The following MPHOSPH10 variants were observed in gnomAD, a reference collection of about 807,000 sequenced individuals.
The protein encoded by MPHOSPH10 is M-phase phosphoprotein 10, also known as U3 small nucleolar ribonucleoprotein MPP10.
A neutral mutation model predicts 77.3 loss-of-function variants in MPHOSPH10; 33 were observed. The ratio of observed to expected loss-of-function variants is 0.43; its 90% CI spans 0.32 to 0.57. The LOEUF (loss-of-function observed/expected upper bound fraction) is 0.57, where lower values mean the gene tolerates loss of function less well. Ranked by LOEUF, MPHOSPH10 falls within the 20% of genes least tolerant of loss-of-function variation. The pLI is 0.07. For missense variants in MPHOSPH10, 708 were observed against 780.1 expected, an observed-to-expected ratio of 0.91 and a Z score of 1.10; for synonymous variants, 245 against 268.0, an observed-to-expected ratio of 0.91 and a Z score of 0.84.
intron 1 of MPHOSPH10, among the ~76,000 whole-genome samples, chr2:71,131,515 T>C (rs6713876): frequency 0.34 from 51,371 of 152,098 alleles, 8,933 homozygotes; most frequent in Admixed American, 0.41. Context: ...CAAGCGCGTC[T>C]GTGTGAAGAG....
At chr2:71,131,262 C>G (rs1338642083) in intron 1 of MPHOSPH10, among the ~76,000 whole-genome samples, 1 of 152,124 alleles carries the variant, frequency 6.6e-6, no homozygotes, top group East Asian at 1.9e-4. Flanking sequence ...GTTTCAAACC[C>G]CAACCTTTCC....
At chr2:71,139,007 G>GT in intron 5 of MPHOSPH10, 1 of 485,674 alleles carries the variant, frequency 2.1e-6, no homozygotes, top group Non-Finnish European at 3.7e-6. Context: ...GTGCTCCAGC[G>GT]TGGGCAGCCT....
Position 71,133,339 on chromosome 2 carries a change from C to A in MPHOSPH10, c.531C>A (p.Ile177=), listed in dbSNP as rs372377553. 47 of 1,613,948 alleles carry A rather than the reference C, an allele frequency of 2.9e-5. No individual in the cohort carries two copies. Among genetic ancestry groups the A allele is most frequent in the Non-Finnish European group, 3.8e-5 (45 of 1,180,014 alleles). Residue 177 remains isoleucine (I), a synonymous_variant, in exon 2 of 11, where the codon ATC becomes ATA. Transcript: ENST00000244230. ...SDEDSDLDFD[I]SKLEQQSKVQ... ...AGGATTCTGACCTTGACTTTGATAT[C>A]AGCAAATTGGAACAGCAGAGCAAGG...
intron 9 of MPHOSPH10, 35 bp downstream of exon 9, chr2:71,148,141 T>TA: frequency 1.3e-6 from 2 of 1,546,998 alleles, no homozygotes; most frequent in Non-Finnish European, 1.8e-6. Flanking sequence ...AAATGTCTGT[T>TA]ACAAGTTAGT....
rs1673425137 is a variant in MPHOSPH10, at chr2:71,133,417, A to G, written c.609A>G (p.Lys203=). ...GAGAAAAGTCCATAGTAGATGATAA[A>G]TTCTTCAAACTCTCTGAAATGGAGG... ...KPREKSIVDD[K]FFKLSEMEAY... is the part of the protein sequence containing the mutation. The change falls in exon 2 of 11, where the codon AAA becomes AAG. Residue 203 remains lysine (K), a synonymous_variant. Transcript: ENST00000244230. 1 of 1,614,148 alleles carries G rather than the reference A, an allele frequency of 6.2e-7. No individual in the cohort carries two copies. The highest frequency in any genetic ancestry group is 8.5e-7 in the Non-Finnish European group (1 of 1,180,012).
At chr2:71,141,836 C>T (rs1009582410) in intron 7 of MPHOSPH10, among the ~76,000 whole-genome samples, 1 of 151,990 alleles carries the variant, frequency 6.6e-6, no homozygotes, top group Non-Finnish European at 1.5e-5. Flanking sequence ...TTTAGACCTG[C>T]CTGGCCAACA....
chr2:71,136,913 AACACACACACACACACACACACACACAC>A (rs56768441), intron 4 of MPHOSPH10, among the ~76,000 whole-genome samples: 1 of 119,040 alleles, frequency 8.4e-6, no homozygotes, highest in Non-Finnish European at 1.7e-5. Flanking sequence ...GTAGCATTAA[AACACACACACACACACACACACACACAC>A]ACACACACAC....
Position 71,149,220 on chromosome 2 carries a change from T to C in MPHOSPH10, c.1666-3T>C. 6.5e-7 allele frequency: 1 copy of C among 1,540,308 alleles called. No homozygotes were observed. The highest frequency in any genetic ancestry group is 8.7e-7 in the Non-Finnish European group (1 of 1,146,256). On this transcript the variant is annotated splice_region_variant and splice_polypyrimidine_tract_variant and intron_variant, in intron 9 of 10. Coordinates refer to ENST00000244230, the MANE Select transcript of MPHOSPH10 (RefSeq NM_005791.3). ...AATATGTTGGTGGTTATTTTTTTAA[T>C]AGGAGAAAAATAAAGCTGGAGATAT...
Position 71,148,117 on chromosome 2 carries a change from A to G in MPHOSPH10, c.1665+11A>G. 3 of 1,599,014 alleles carry G rather than the reference A, an allele frequency of 1.9e-6. No individual in the cohort carries two copies. Among genetic ancestry groups the G allele is most frequent in the Non-Finnish European group, 2.6e-6 (3 of 1,166,220 alleles). On this transcript the variant is annotated intron_variant, in intron 9 of 10. Transcript: ENST00000244230. ...CCAGAGGAGATCAAGGTAAGAAGCCAATGTTGAAACCTTAAATGTCTGTTA... is the reference window on the plus strand; with the variant it reads ...CCAGAGGAGATCAAGGTAAGAAGCCGATGTTGAAACCTTAAATGTCTGTTA...
intron 3 of MPHOSPH10, 58 bp downstream of exon 3, chr2:71,134,163 G>A: frequency 1.4e-6 from 2 of 1,471,522 alleles, no homozygotes; most frequent in Non-Finnish European, 1.8e-6. Flanking sequence ...TCATGTGTGT[G>A]TACTCGTAGT....
At chr2:71,149,495 G>A (rs753757661) in intron 10 of MPHOSPH10, 42 bp downstream of exon 10, 1 of 1,551,130 alleles carries the variant, frequency 6.4e-7, no homozygotes, top group South Asian at 1.2e-5. Context: ...GGACCTTTGT[G>A]GGGGAAGTGG....
rs777703268 is a variant in MPHOSPH10, at chr2:71,133,498, G to T, written c.690G>T (p.Glu230Asp). 1.3e-5 allele frequency: 21 copies of T among 1,612,490 alleles called. No homozygotes were observed. The South Asian group carries it at 1.9e-4, about 14-fold the overall frequency. ...AACGAAAAGATGATAATGATGAGGAGGAGGAAGATATTGATTTTTTTGAAG... is the reference window on the plus strand; with the variant it reads ...AACGAAAAGATGATAATGATGAGGATGAGGAAGATATTGATTTTTTTGAAG... ...EEERKDDNDE[E>D]EEDIDFFEDI... Residue 230 changes from glutamate to aspartate, a missense_variant, in exon 2 of 11, where the codon GAG becomes GAT. Glu to Asp is a conservative substitution (Grantham distance 45). Transcript: ENST00000244230.
At chr2:71,147,874 T>C in intron 8 of MPHOSPH10, 125 bp from the exon 9 acceptor site, 1 of 717,202 alleles carries the variant, frequency 1.4e-6, no homozygotes, top group African/African-American at 1.8e-5. Flanking sequence ...TTCAAGCAAG[T>C]GAAAAAAAGA....
At chr2:71,136,010 C>A (rs1177547046) in intron 4 of MPHOSPH10, among the ~76,000 whole-genome samples, 3 of 152,120 alleles carry the variant, frequency 2.0e-5, no homozygotes, top group Admixed American at 6.6e-5. Flanking sequence ...CAGCGGATAC[C>A]ACCTATGTCT....
chr2:71,136,812 A>G (rs932372362), intron 4 of MPHOSPH10, among the ~76,000 whole-genome samples: 3 of 151,374 alleles, frequency 2.0e-5, no homozygotes, highest in Non-Finnish European at 4.4e-5. Context: ...ATTTATTTCA[A>G]TTTCCACATA....
chr2:71,138,785 G>C (rs753145092), intron 5 of MPHOSPH10, 154 bp downstream of exon 5: 5 of 1,088,150 alleles, frequency 4.6e-6, no homozygotes, highest in Non-Finnish European at 6.8e-6. Context: ...CTGTAATCCC[G>C]GCACTTTGGG....
Position 71,149,335 on chromosome 2 carries a change from A to T in MPHOSPH10, c.1778A>T (p.Glu593Val). 6.2e-7 allele frequency: 1 copy of T among 1,613,972 alleles called. No individual in the cohort carries two copies. The highest frequency in any genetic ancestry group is 1.3e-5 in the African/African-American group (1 of 75,054). The change falls in exon 10 of 11, where the codon GAG (glutamate) becomes GTG (valine). Residue 593 changes from glutamate (E) to valine (V), a missense_variant. By Grantham distance (121) the Glu-to-Val change is moderately radical. This residue lies in a region of MPHOSPH10 where 263 missense variants were observed against 320.0 expected (regional missense o/e 0.82). Transcript: ENST00000244230. ...YQKRMKIKEKEKRRKLLEKSS... is the reference protein window; with the variant it reads ...YQKRMKIKEKVKRRKLLEKSS... ...AAGCGTATGAAAATAAAAGAGAAGGAGAAGCGGAGAAAACTGCTTGAAAAG... is the reference window on the plus strand; with the variant it reads ...AAGCGTATGAAAATAAAAGAGAAGGTGAAGCGGAGAAAACTGCTTGAAAAG...
At chr2:71,139,901 C>A in intron 6 of MPHOSPH10, 39 bp downstream of exon 6, 1 of 1,365,488 alleles carries the variant, frequency 7.3e-7, no homozygotes, top group Non-Finnish European at 1.0e-6. Flanking sequence ...AAAATGTCAC[C>A]AAGATTTTTA....
At chr2:71,142,618 T>C (rs1425038513) in intron 7 of MPHOSPH10, among the ~76,000 whole-genome samples, 1 of 152,236 alleles carries the variant, frequency 6.6e-6, no homozygotes, top group Non-Finnish European at 1.5e-5. Flanking sequence ...GTAATGTGGC[T>C]CAGAAAAATG....
Sources: gnomAD v4.1 joint callset for allele counts (sites outside exome capture counted in the v4.1 genomes callset) on GRCh38, gnomAD v4.1.1 for gene constraint, gnomAD v4.1.1 regional missense constraint, MANE v1.5 for transcripts, NCBI Gene and HGNC (gene_info 2026-07-23, HGNC 2026-07-21) for gene names.